RALGAPA2: variants seen among roughly 807,000 people sequenced by gnomAD.
The protein encoded by RALGAPA2 is ral GTPase-activating protein subunit alpha-2.
A neutral mutation model predicts 230.4 loss-of-function variants in RALGAPA2; 139 were observed. The ratio of observed to expected loss-of-function variants is 0.60; its 90% confidence interval spans 0.53 to 0.69. The LOEUF is 0.69. Ranked by LOEUF, RALGAPA2 falls within the 30% of genes least tolerant of loss-of-function variation. The pLI is 0.00. For synonymous variants in RALGAPA2, 847 were observed against 837.8 expected (o/e 1.01, Z -0.19); for missense variants, 2,163 against 2,276.0 (o/e 0.95, Z 1.01).
At chr20:20,538,270 A>T (rs533948722) in intron 24 of RALGAPA2, among the ~76,000 whole-genome samples, 10 of 152,192 alleles carry the variant, frequency 6.6e-5, no homozygotes, top group Non-Finnish European at 1.5e-4. Context: ...TGAGGCAAGG[A>T]TTGGTTCTGC....
rs561544110 is a variant in RALGAPA2, at chr20:20,661,408, C to A, written c.271-7821G>T. On this transcript the variant is annotated intron_variant, in intron 3 of 39. Coordinates refer to ENST00000202677, the MANE Select transcript of RALGAPA2 (RefSeq NM_020343.4). ...CTCTTGGCCTCAAGTAATCTGCCCA[C>A]CTCGGCCTCCCAAAGTGCTGGGATT... is the stretch of plus-strand genomic sequence containing the variant. Among the ~76,000 whole-genome samples the A allele has an allele frequency of 2.0e-5, 3 of 152,284 alleles. No individual in the cohort carries two copies. The East Asian group carries it at 5.8e-4, about 29-fold the overall frequency.
rs2059727015 is a variant in RALGAPA2 at position 20,396,749 on chromosome 20, C to A, written c.5618-15G>T. ...CGTGTTTTAATCTGAAGGGAAAGAACACAAAATGGAATGAATACAAACACA... is the reference window on the plus strand; with the variant it reads ...CGTGTTTTAATCTGAAGGGAAAGAAAACAAAATGGAATGAATACAAACACA... On this transcript the variant is annotated splice_polypyrimidine_tract_variant and intron_variant, in intron 38 of 39. Coordinates refer to ENST00000202677, the MANE Select transcript of RALGAPA2 (RefSeq NM_020343.4). 6.3e-7 allele frequency: 1 copy of A among 1,590,800 alleles called. No homozygotes were observed. The highest frequency in any genetic ancestry group is 1.1e-5 in the South Asian group (1 of 89,792).
At chr20:20,454,959 A>T (rs1395404905) in intron 37 of RALGAPA2, among the ~76,000 whole-genome samples, 4 of 152,348 alleles carry the variant, frequency 2.6e-5, no homozygotes, top group Non-Finnish European at 5.9e-5. Context: ...AGCACCAGGG[A>T]GGGCTGGTAC....
At chr20:20,506,882 T>C (rs2062551734) in intron 33 of RALGAPA2, among the ~76,000 whole-genome samples, 1 of 152,194 alleles carries the variant, frequency 6.6e-6, no homozygotes, top group African/African-American at 2.4e-5. Flanking sequence ...TCTCTCCTTT[T>C]ACTCAGCTTA....
intron 9 of RALGAPA2, among the ~76,000 whole-genome samples, chr20:20,633,134 C>A (rs946845221): frequency 2.1e-5 from 3 of 145,432 alleles, no homozygotes; most frequent in African/African-American, 7.7e-5. Flanking sequence ...TCTTTTCTTT[C>A]TTTCTTTCTT....
At chr20:20,688,212 T>C (rs1305196529) in intron 1 of RALGAPA2, among the ~76,000 whole-genome samples, 3 of 151,836 alleles carry the variant, frequency 2.0e-5, no homozygotes, top group East Asian at 1.9e-4. Flanking sequence ...AAATGTCTCC[T>C]GGAGAATCAC....
intron 9 of RALGAPA2, among the ~76,000 whole-genome samples, chr20:20,633,171 G>A (rs1456347574): frequency 6.7e-6 from 1 of 149,000 alleles, no homozygotes; most frequent in Non-Finnish European, 1.5e-5. Context: ...GTCTCACTCT[G>A]TTGCCCAGAC....
chr20:20,555,124 T>G (rs2064045357), intron 23 of RALGAPA2, among the ~76,000 whole-genome samples: 1 of 152,224 alleles, frequency 6.6e-6, no homozygotes, highest in South Asian at 2.1e-4. Context: ...GGGTCCAACT[T>G]CATCCATTTG....
intron 37 of RALGAPA2, among the ~76,000 whole-genome samples, chr20:20,426,166 T>C (rs916945834): frequency 6.6e-6 from 1 of 152,186 alleles, no homozygotes; most frequent in Non-Finnish European, 1.5e-5. Context: ...AAAGCAACTC[T>C]TTTACTCCTT....
Position 20,712,422 on chromosome 20 carries a change from G to C in RALGAPA2, c.59C>G (p.Pro20Arg), listed in dbSNP as rs1482170707. The C allele has an allele frequency of 3.9e-6, 6 of 1,554,868 alleles. No homozygotes were observed. The highest frequency in any genetic ancestry group is 4.9e-5 in the East Asian group (2 of 41,220). The change falls in exon 1 of 40, where the codon CCG becomes CGG. Residue 20 changes from proline (P) to arginine (R), a missense_variant. Physicochemically the swap from Pro to Arg is moderately radical, Grantham distance 103. Coordinates refer to ENST00000202677, the MANE Select transcript of RALGAPA2 (RefSeq NM_020343.4). The surrounding 1 kb of genome is among the most constrained non-coding windows in gnomAD (Gnocchi z 5.5). The stretch of plus-strand genomic sequence containing the variant: ...CAGGCGGGTCAGCACGTCCTTCTTC[G>C]GGTCCAGCACCTTCTGGGTGGACTT... ...VKKSTQKVLD[P>R]KKDVLTRLKH...
chr20:20,514,563 T>A (rs181289991), intron 31 of RALGAPA2, among the ~76,000 whole-genome samples: 2 of 152,188 alleles, frequency 1.3e-5, no homozygotes, highest in East Asian at 3.9e-4. Flanking sequence ...ACCCTTCCTG[T>A]AGAGATTATG....
At chr20:20,397,374 G>C (rs2059738797) in intron 38 of RALGAPA2, among the ~76,000 whole-genome samples, 1 of 152,174 alleles carries the variant, frequency 6.6e-6, no homozygotes, top group South Asian at 2.1e-4. Flanking sequence ...AGAGCAGCAG[G>C]GTCTCAGTAG....
intron 1 of RALGAPA2, among the ~76,000 whole-genome samples, chr20:20,688,583 C>T (rs1324472406): frequency 6.6e-6 from 1 of 152,170 alleles, no homozygotes; most frequent in Non-Finnish European, 1.5e-5. Context: ...AGTCAGTTCA[C>T]AGGTAAGGAC....
intron 36 of RALGAPA2, among the ~76,000 whole-genome samples, chr20:20,474,693 A>T (rs886970662): frequency 1.3e-5 from 2 of 152,196 alleles, no homozygotes; most frequent in African/African-American, 4.8e-5. Context: ...GGCCATTGGA[A>T]GGCTGGAGCT....
chr20:20,549,265 G>A (rs1318734213), intron 23 of RALGAPA2, among the ~76,000 whole-genome samples: 2 of 152,084 alleles, frequency 1.3e-5, no homozygotes, highest in Admixed American at 6.5e-5. Flanking sequence ...CTGTAAAATG[G>A]GGCATTCAAA....
rs773661105 is a variant in RALGAPA2 at position 20,546,828 on chromosome 20, A to T, written c.3161T>A (p.Ile1054Asn). The T allele has an allele frequency of 6.3e-7, 1 of 1,580,684 alleles. No homozygotes were observed. The highest frequency in any genetic ancestry group is 1.2e-5 in the South Asian group (1 of 84,846). Residue 1054 changes from isoleucine to asparagine, a missense_variant, in exon 24 of 40, where the codon ATC (isoleucine) becomes AAC (asparagine). Transcript: ENST00000202677. ...ACAGTGCCTTATGATCGTATTTAAG[A>T]TATCCTAAAAGGGAAGATAAGAAAA... ...HLGLTSEDQD[I>N]LNTIIRHCPP...
At chr20:20,395,288 G>A (rs1350837192) in intron 39 of RALGAPA2, among the ~76,000 whole-genome samples, 2 of 152,270 alleles carry the variant, frequency 1.3e-5, no homozygotes, top group East Asian at 3.8e-4. Flanking sequence ...CTGGGCCCTC[G>A]TGCCACAGCA....
At chr20:20,670,928 C>T (rs1411021831) in intron 3 of RALGAPA2, among the ~76,000 whole-genome samples, 15 of 139,262 alleles carry the variant, frequency 1.1e-4, no homozygotes, top group Admixed American at 8.6e-4. Flanking sequence ...CCAGCCTGGG[C>T]GACAGAGCAA....
Position 20,712,580 on chromosome 20 carries a change from C to T in RALGAPA2, c.-100G>A. 3 of 1,271,856 alleles carry T rather than the reference C, an allele frequency of 2.4e-6. No individual in the cohort carries two copies. The highest frequency in any genetic ancestry group is 3.0e-6 in the Non-Finnish European group (3 of 1,007,474). 78.8% of individuals were successfully genotyped at this position (1,271,856 alleles called of 1,614,324 possible). ...AGGCCGGCGCGTGTCGCGCGGGCCA[C>T]TCGCCGCCCCCAGCCCCGCTGCTGC... is the stretch of plus-strand genomic sequence containing the variant. On this transcript the variant is annotated 5_prime_UTR_variant, in exon 1 of 40. The change creates a new upstream start codon in the 5' untranslated region. Transcript: ENST00000202677. This position sits in a 1 kb window ranked among gnomAD's most constrained non-coding sequence, Gnocchi z 5.5.
Sources: gnomAD v4.1 joint callset for allele counts (sites outside exome capture counted in the v4.1 genomes callset) on GRCh38, gnomAD v4.1.1 for gene constraint, Gnocchi (gnomAD v3.1) non-coding constraint, MANE v1.5 for transcripts, NCBI Gene and HGNC (gene_info 2026-07-23, HGNC 2026-07-21) for gene names.